THADA: variants seen among roughly 807,000 people sequenced by gnomAD.
The protein encoded by THADA is THADA armadillo repeat containing.
In THADA, 213 loss-of-function variants were observed where a neutral mutation model predicts 219.8. The ratio of observed to expected loss-of-function variants is 0.97; its 90% CI spans 0.87 to 1.09. The LOEUF (loss-of-function observed/expected upper bound fraction) is 1.09, where lower values mean the gene tolerates loss of function less well. THADA is among the 50% of genes least tolerant of loss of function. The probability of loss-of-function intolerance (pLI) is 0.00; values close to 1 mark genes in which losing one functional copy is unlikely to be tolerated. For synonymous variants in THADA, 1,018 were observed against 828.9 expected, an observed-to-expected ratio of 1.23 and a Z score of -3.92; for missense variants, 2,956 against 2,311.3, an observed-to-expected ratio of 1.28 and a Z score of -5.72.
intron 36 of THADA, among the ~76,000 whole-genome samples, chr2:43,246,398 G>A (rs758597897): frequency 2.0e-5 from 3 of 152,180 alleles, no homozygotes; most frequent in African/African-American, 4.8e-5. Context: ...GGGAGGCTGA[G>A]GCAGGAGAAT....
intron 29 of THADA, among the ~76,000 whole-genome samples, chr2:43,373,501 G>C (rs1204990456): frequency 2.0e-5 from 3 of 151,254 alleles, no homozygotes; most frequent in African/African-American, 7.3e-5. Flanking sequence ...TTTGAGACAG[G>C]GTCTCACTCT....
rs545737690 is a variant in THADA, at chr2:43,459,486, G to A, written c.3836+25748C>T. On this transcript the variant is annotated intron_variant, in intron 26 of 37. Coordinates refer to ENST00000405975, the MANE Select transcript of THADA (RefSeq NM_022065.5). ...AGGTGTTGAAGATAAAACACTGAAT[G>A]AGGCAAATACCCACCCTCCAAAGAG... is the stretch of plus-strand genomic sequence containing the variant. Among the ~76,000 whole-genome samples, 23 of 152,228 alleles carry A rather than the reference G, an allele frequency of 1.5e-4. No homozygotes were observed. In the South Asian group the frequency reaches 4.8e-3, roughly 31 times the overall value.
chr2:43,477,778 T>G (rs552288980), intron 26 of THADA, among the ~76,000 whole-genome samples: 24 of 152,236 alleles, frequency 1.6e-4, no homozygotes, highest in Non-Finnish European at 3.4e-4. Context: ...CATGAATCCT[T>G]GCTCTAGGAA....
At chr2:43,517,357 C>T (rs1384892376) in intron 22 of THADA, among the ~76,000 whole-genome samples, 4 of 152,106 alleles carry the variant, frequency 2.6e-5, no homozygotes, top group African/African-American at 9.7e-5. Context: ...TTAAAGCCAA[C>T]GTATTGAAGC....
chr2:43,511,837 T>C (rs926390659), intron 22 of THADA, among the ~76,000 whole-genome samples: 6 of 152,132 alleles, frequency 3.9e-5, no homozygotes, highest in African/African-American at 1.4e-4. Context: ...TACAGTGTCA[T>C]GGAAGGGCTG....
chr2:43,292,863 T>C lies in THADA; in HGVS notation c.4789A>G (p.Lys1597Glu), dbSNP rs1335038174. 6.2e-7 allele frequency: 1 copy of C among 1,613,538 alleles called. No individual in the cohort carries two copies. Among genetic ancestry groups the C allele is most frequent in the Non-Finnish European group, 8.5e-7 (1 of 1,179,860 alleles). The change falls in exon 32 of 38, where the codon AAG (lysine) becomes GAG (glutamate). Residue 1597 changes from lysine to glutamate, a missense_variant. Coordinates refer to ENST00000405975, the MANE Select transcript of THADA (RefSeq NM_022065.5). ...CAGAAGCATTCTGGGTGATTTTCCT[T>C]CATGGCCAACAATAAGAACTTCTCT... ...MGEKFLLLAMKENHPECFCKI... is the reference protein window; with the variant it reads ...MGEKFLLLAMEENHPECFCKI...
intron 20 of THADA, among the ~76,000 whole-genome samples, chr2:43,548,530 G>A (rs1376883134): frequency 6.6e-6 from 1 of 152,202 alleles, no homozygotes; most frequent in East Asian, 1.9e-4. Flanking sequence ...CCCAGTTCGA[G>A]CTTCCTGCCT....
At chr2:43,487,966 C>A (rs867716275) in intron 25 of THADA, among the ~76,000 whole-genome samples, 6 of 152,268 alleles carry the variant, frequency 3.9e-5, no homozygotes, top group Middle Eastern at 3.4e-3. Flanking sequence ...AGCAAAATCA[C>A]GATATTCTAT....
At position 43,590,806 on chromosome 2, in the gene THADA, CCTTCCT is replaced by C. The variant is rs771327429; in HGVS notation, c.302+12_302+17del. On this transcript the variant is annotated intron_variant, in intron 4 of 37. Transcript: ENST00000405975. ...TTCAACATTTATAACACCCAACTTC[CCTTCCT>C]TTTTTTCTTACCTTGCCAATACTTT... is the stretch of plus-strand genomic sequence containing the variant. 1 of 1,602,794 alleles carries C rather than the reference CCTTCCT, an allele frequency of 6.2e-7. No individual in the cohort carries two copies. Among genetic ancestry groups the C allele is most frequent in the South Asian group, 1.1e-5 (1 of 89,420 alleles).
At chr2:43,430,166 A>G (rs372567130) in intron 27 of THADA, 47 bp downstream of exon 27, 336 of 912,098 alleles carry the variant, frequency 3.7e-4, no homozygotes, top group Non-Finnish European at 4.6e-4. Context: ...TTACTAAGGT[A>G]ATTCACATCC....
At chr2:43,587,112 ACAGC>A in intron 4 of THADA, 110 bp from the exon 5 acceptor site, 1 of 1,167,654 alleles carries the variant, frequency 8.6e-7, no homozygotes, top group Non-Finnish European at 1.2e-6. Context: ...TCTTCAAAAT[ACAGC>A]CAGAAAACTA....
At chr2:43,559,116 G>C (rs964750241) in intron 16 of THADA, among the ~76,000 whole-genome samples, 1 of 152,190 alleles carries the variant, frequency 6.6e-6, no homozygotes, top group Non-Finnish European at 1.5e-5. Context: ...GGTGACATGT[G>C]ATGAATGATA....
chr2:43,428,749 C>T (rs1243399824), intron 27 of THADA, among the ~76,000 whole-genome samples: 2 of 151,996 alleles, frequency 1.3e-5, no homozygotes, highest in Non-Finnish European at 2.9e-5. Context: ...AATGGGCTTT[C>T]GTACAGGATC....
At chr2:43,353,919 G>A (rs1249184637) in intron 29 of THADA, among the ~76,000 whole-genome samples, 2 of 151,242 alleles carry the variant, frequency 1.3e-5, no homozygotes, top group African/African-American at 4.9e-5. Flanking sequence ...CCAGGTTCAC[G>A]CCATTCTCCT....
At chr2:43,561,282 T>C (rs1479489511) in intron 15 of THADA, among the ~76,000 whole-genome samples, 3 of 152,216 alleles carry the variant, frequency 2.0e-5, no homozygotes, top group Admixed American at 2.0e-4. Context: ...TGTGAAGAAC[T>C]TTGCCTATCA....
intron 26 of THADA, among the ~76,000 whole-genome samples, chr2:43,481,374 A>G (rs1686197983): frequency 6.6e-6 from 1 of 152,230 alleles, no homozygotes; most frequent in African/African-American, 2.4e-5. Context: ...ATCCTAAGCT[A>G]TTAATTTGAA....
chr2:43,429,094 A>G (rs763976228), intron 27 of THADA, among the ~76,000 whole-genome samples: 83 of 149,870 alleles, frequency 5.5e-4, no homozygotes, highest in Non-Finnish European at 1.0e-3. Flanking sequence ...TACCAGCTTC[A>G]GAATGTGTGT....
At chr2:43,531,848 T>C (rs1342504755) in intron 21 of THADA, among the ~76,000 whole-genome samples, 3 of 152,164 alleles carry the variant, frequency 2.0e-5, no homozygotes, top group East Asian at 1.9e-4. Flanking sequence ...TCTTTTCCTT[T>C]TTTTCGACTC....
chr2:43,283,219 C>T (rs1285775294), intron 35 of THADA, among the ~76,000 whole-genome samples: 2 of 152,162 alleles, frequency 1.3e-5, no homozygotes, highest in African/African-American at 4.8e-5. Context: ...CTGTTAAGCC[C>T]ATGGAACTGT....
Sources: gnomAD v4.1 joint callset for allele counts (sites outside exome capture counted in the v4.1 genomes callset) on GRCh38, gnomAD v4.1.1 for gene constraint, MANE v1.5 for transcripts, NCBI Gene and HGNC (gene_info 2026-07-23, HGNC 2026-07-21) for gene names.